NEGR1: variants seen among roughly 807,000 people sequenced by gnomAD.
NEGR1 encodes the protein neuronal growth regulator 1.
NEGR1 carries 10 observed loss-of-function variants against 40.9 expected under a neutral mutation model. The observed-to-expected ratio is 0.24, with a 90% CI of 0.15 to 0.42. The LOEUF is 0.42. Among genes scored for constraint, NEGR1 ranks in the 10% least tolerant of loss-of-function variants. NEGR1 has a pLI of 1.00. For synonymous variants in NEGR1, 185 were observed against 166.8 expected (o/e 1.11, Z -0.84); for missense variants, 352 against 438.9 (o/e 0.80, Z 1.77).
At chr1:71,555,091 A>G (rs1648213391) in intron 6 of NEGR1, among the ~76,000 whole-genome samples, 1 of 151,588 alleles carries the variant, frequency 6.6e-6, no homozygotes, top group Admixed American at 6.6e-5. Context: ...ATTTGAGACA[A>G]TGAGTTACTA....
intron 6 of NEGR1, among the ~76,000 whole-genome samples, chr1:71,414,611 C>T (rs1646343389): frequency 1.3e-5 from 2 of 152,172 alleles, no homozygotes; most frequent in South Asian, 4.1e-4. Context: ...ACAGCACAGA[C>T]ATGCTCTATC....
chr1:72,074,410 T>A (rs867566942), intron 1 of NEGR1, among the ~76,000 whole-genome samples: 1 of 152,060 alleles, frequency 6.6e-6, no homozygotes, highest in East Asian at 1.9e-4. Flanking sequence ...TCATCATTTT[T>A]ATGTGCGAAT....
chr1:72,122,309 A>T (rs1337376776), intron 1 of NEGR1, among the ~76,000 whole-genome samples: 1 of 152,000 alleles, frequency 6.6e-6, no homozygotes, highest in Admixed American at 6.6e-5. Context: ...TGAGTGAATA[A>T]ACAGGAAGCT....
At chr1:71,682,341 T>C (rs1026135167) in intron 4 of NEGR1, among the ~76,000 whole-genome samples, 5 of 152,198 alleles carry the variant, frequency 3.3e-5, no homozygotes, top group Non-Finnish European at 5.9e-5. Context: ...TTTAAACTTA[T>C]GTCTGATAAT....
chr1:71,399,261 T>C lies in NEGR1; in HGVS notation c.*8185A>G, dbSNP rs546567882. On this transcript the variant is annotated 3_prime_UTR_variant, in exon 7 of 7. Transcript: ENST00000357731. The stretch of plus-strand genomic sequence containing the variant: ...AAATATATATGTTTCCAGAAAAAAA[T>C]TGCTTATTCAAATGTAAAAAAAAAA... 1.3e-5 allele frequency: 2 copies of C among 152,028 alleles called. No individual in the cohort carries two copies. The highest frequency in any genetic ancestry group is 4.2e-4 in the South Asian group (2 of 4,816). 9.4% of individuals were successfully genotyped at this position (152,028 alleles called of 1,614,324 possible). A position where few individuals can be genotyped will look rare whatever the true frequency, so the allele number is the denominator to read the frequency against.
In NEGR1 at chr1:71,611,103, G is replaced by C. The variant is rs766797101; in HGVS notation, c.711C>G (p.Pro237=). Residue 237 remains proline, a synonymous_variant, in exon 5 of 7, where the codon CCC becomes CCG. Coordinates refer to ENST00000357731, the MANE Select transcript of NEGR1 (RefSeq NM_173808.3). ...IQEIKSGTVT[P]GRSGLIRCEG... ...CACATCTTATCAGGCCACTGCGTCCGGGGGTCACGGTGCCAGATTTAATTT... is the reference window on the plus strand; with the variant it reads ...CACATCTTATCAGGCCACTGCGTCCCGGGGTCACGGTGCCAGATTTAATTT... The C allele has an allele frequency of 1.9e-6, 3 of 1,613,314 alleles. No homozygotes were observed.
chr1:72,069,673 T>G (rs553046704), intron 1 of NEGR1, among the ~76,000 whole-genome samples: 2 of 152,166 alleles, frequency 1.3e-5, no homozygotes, highest in East Asian at 3.9e-4. Flanking sequence ...GAAATAACAC[T>G]CTATAGGCCA....
chr1:72,258,882 T>C lies in NEGR1; in HGVS notation c.176+23437A>G, dbSNP rs563178533. ...CAATAAAATCTTCTTTTAGTTTGCT[T>C]ACTAAATAGCTACATGACGTTGGTC... On this transcript the variant is annotated intron_variant, in intron 1 of 6. Transcript: ENST00000357731. Among the ~76,000 whole-genome samples, 3 of 152,282 alleles carry C rather than the reference T, an allele frequency of 2.0e-5. No homozygotes were observed. The South Asian group carries it at 6.2e-4, about 32-fold the overall frequency.
intron 3 of NEGR1, among the ~76,000 whole-genome samples, chr1:71,701,935 G>A (rs1410569117): frequency 6.6e-6 from 1 of 152,038 alleles, no homozygotes; most frequent in Non-Finnish European, 1.5e-5. Flanking sequence ...AGTAATGTAA[G>A]TCTGAGAAGT....
At chr1:72,196,846 A>C (rs1653019483) in intron 1 of NEGR1, among the ~76,000 whole-genome samples, 1 of 151,940 alleles carries the variant, frequency 6.6e-6, no homozygotes, top group Non-Finnish European at 1.5e-5. Context: ...TGAGATAATA[A>C]GGCATAGTGC....
At chr1:72,004,005 C>T (rs1254253292) in intron 1 of NEGR1, among the ~76,000 whole-genome samples, 1 of 151,868 alleles carries the variant, frequency 6.6e-6, no homozygotes, top group Non-Finnish European at 1.5e-5. Context: ...TATATTTTCT[C>T]ACATTTATTT....
chr1:71,645,633 T>G (rs2101577534), intron 4 of NEGR1, among the ~76,000 whole-genome samples: 1 of 151,962 alleles, frequency 6.6e-6, no homozygotes, highest in East Asian at 1.9e-4. Context: ...GTAGAACCAT[T>G]TTTGAAGCTC....
intron 3 of NEGR1, among the ~76,000 whole-genome samples, chr1:71,724,611 A>G (rs1260410737): frequency 1.3e-5 from 2 of 152,006 alleles, no homozygotes; most frequent in South Asian, 2.1e-4. Flanking sequence ...GTTCTTGGGT[A>G]TATTTATGTC....
intron 1 of NEGR1, among the ~76,000 whole-genome samples, chr1:72,108,361 A>T (rs1249944721): frequency 6.6e-6 from 1 of 151,544 alleles, no homozygotes; most frequent in African/African-American, 2.4e-5. Flanking sequence ...GTAATTTTTC[A>T]CATTTTGCCT....
intron 3 of NEGR1, among the ~76,000 whole-genome samples, chr1:71,739,218 CA>C (rs538547056): frequency 7.7e-4 from 95 of 123,850 alleles, no homozygotes; most frequent in African/African-American, 2.1e-3. Flanking sequence ...AAAAAAAAAA[CA>C]AAAAAAAAAA....
intron 6 of NEGR1, among the ~76,000 whole-genome samples, chr1:71,501,021 A>G (rs1175052407): frequency 6.6e-6 from 1 of 152,094 alleles, no homozygotes; most frequent in Non-Finnish European, 1.5e-5. Context: ...ATTGTATTGT[A>G]ACTTTCTTGT....
chr1:71,756,641 T>C (rs930697817), intron 3 of NEGR1, among the ~76,000 whole-genome samples: 2 of 152,122 alleles, frequency 1.3e-5, no homozygotes, highest in African/African-American at 4.8e-5. Flanking sequence ...TCTTTTGTAC[T>C]GTAATTGAAT....
chr1:71,659,120 T>C (rs1651972113), intron 4 of NEGR1, among the ~76,000 whole-genome samples: 1 of 152,180 alleles, frequency 6.6e-6, no homozygotes, highest in Non-Finnish European at 1.5e-5. Context: ...TTAACCCTAG[T>C]CAAGTACTTA....
chr1:72,243,950 G>T (rs1388995867), intron 1 of NEGR1, among the ~76,000 whole-genome samples: 2 of 151,732 alleles, frequency 1.3e-5, no homozygotes, highest in Non-Finnish European at 3.0e-5. Context: ...TTTGTTTTAG[G>T]TTAATAGGTG....
Sources: gnomAD v4.1 joint callset for allele counts (sites outside exome capture counted in the v4.1 genomes callset) on GRCh38, gnomAD v4.1.1 for gene constraint, MANE v1.5 for transcripts, NCBI Gene and HGNC (gene_info 2026-07-23, HGNC 2026-07-21) for gene names.